SLC17A8: variants seen among roughly 807,000 people sequenced by gnomAD.
SLC17A8 encodes the protein solute carrier family 17 member 8.
SLC17A8 carries 31 observed loss-of-function variants against 58.0 expected under a neutral mutation model. That is an observed-to-expected ratio of 0.53 (90% CI 0.40 to 0.72). SLC17A8 has a LOEUF of 0.72. SLC17A8 is among the 30% of genes least tolerant of loss of function. The pLI is 0.00. For missense variants in SLC17A8, 655 were observed against 727.8 expected, an observed-to-expected ratio of 0.90 and a Z score of 1.15; for synonymous variants, 228 against 249.0, an observed-to-expected ratio of 0.92 and a Z score of 0.79.
chr12:100,369,229 T>C (rs1952542992), intron 1 of SLC17A8, among the ~76,000 whole-genome samples: 1 of 152,094 alleles, frequency 6.6e-6, no homozygotes, highest in African/African-American at 2.4e-5. Flanking sequence ...TGAGCCGAAA[T>C]CCCACCACTG....
chr12:100,397,200 A>T (rs1952759970), intron 5 of SLC17A8, among the ~76,000 whole-genome samples: 1 of 152,180 alleles, frequency 6.6e-6, no homozygotes, highest in Admixed American at 6.5e-5. Flanking sequence ...TGCTAAGGAC[A>T]AAAGTGGAAA....
chr12:100,366,148 G>T (rs764060885), intron 1 of SLC17A8, among the ~76,000 whole-genome samples: 3 of 150,262 alleles, frequency 2.0e-5, no homozygotes, highest in Non-Finnish European at 4.4e-5. Flanking sequence ...AATCTCTGAA[G>T]GTGCAATAAT....
chr12:100,390,221 T>A (rs1952705625), intron 2 of SLC17A8, among the ~76,000 whole-genome samples: 1 of 152,130 alleles, frequency 6.6e-6, no homozygotes, highest in South Asian at 2.1e-4. Flanking sequence ...TGCCTAGGCC[T>A]TCCAAAGCAT....
chr12:100,361,261 C>G (rs1301671294), intron 1 of SLC17A8, among the ~76,000 whole-genome samples: 1 of 152,224 alleles, frequency 6.6e-6, no homozygotes, highest in African/African-American at 2.4e-5. Context: ...TGATCTAGGA[C>G]TTTTGGAAGG....
chr12:100,419,137 T>C (rs1485630502), intron 11 of SLC17A8, among the ~76,000 whole-genome samples: 6 of 152,258 alleles, frequency 3.9e-5, no homozygotes, highest in African/African-American at 7.2e-5. Flanking sequence ...TTCTGATATT[T>C]AAAACGGTGG....
chr12:100,402,088 C>T (rs1027599901), intron 6 of SLC17A8, among the ~76,000 whole-genome samples: 5 of 151,944 alleles, frequency 3.3e-5, no homozygotes, highest in African/African-American at 4.8e-5. Context: ...ACAAGAGGAA[C>T]GTCAACAAAA....
intron 8 of SLC17A8, among the ~76,000 whole-genome samples, chr12:100,403,684 G>C (rs1952807176): frequency 6.6e-6 from 1 of 152,148 alleles, no homozygotes; most frequent in South Asian, 2.1e-4. Context: ...ACTGTCAGAA[G>C]TGACCATGGA....
intron 1 of SLC17A8, among the ~76,000 whole-genome samples, chr12:100,365,621 G>A (rs1334121992): frequency 6.6e-6 from 1 of 152,210 alleles, no homozygotes; most frequent in African/African-American, 2.4e-5. Flanking sequence ...GTGGCAGGAA[G>A]TTCAAAGCAC....
intron 9 of SLC17A8, among the ~76,000 whole-genome samples, chr12:100,411,126 G>A (rs1174625616): frequency 2.6e-5 from 4 of 152,172 alleles, no homozygotes; most frequent in South Asian, 2.1e-4. Context: ...ACGTGGTGGC[G>A]ATGGTTTGGT....
At chr12:100,361,628 T>C (rs1209619438) in intron 1 of SLC17A8, among the ~76,000 whole-genome samples, 2 of 152,132 alleles carry the variant, frequency 1.3e-5, no homozygotes, top group African/African-American at 4.8e-5. Flanking sequence ...TGTGATTTAA[T>C]GAGCTCTTCC....
intron 2 of SLC17A8, among the ~76,000 whole-genome samples, chr12:100,382,018 A>G (rs1252564995): frequency 6.6e-6 from 1 of 152,226 alleles, no homozygotes; most frequent in Non-Finnish European, 1.5e-5. Flanking sequence ...GAAAATGCTA[A>G]ATTTTGGTTA....
chr12:100,383,211 T>G (rs1409031278), intron 2 of SLC17A8, among the ~76,000 whole-genome samples: 5 of 152,224 alleles, frequency 3.3e-5, no homozygotes, highest in African/African-American at 9.6e-5. Context: ...AAGATAGACC[T>G]TGGTCAATAG....
intron 6 of SLC17A8, 57 bp downstream of exon 6, chr12:100,401,920 C>T (rs1345619086): frequency 3.2e-5 from 46 of 1,419,434 alleles, no homozygotes; most frequent in Non-Finnish European, 4.1e-5. Flanking sequence ...TATTTTACTG[C>T]ATATGGGTTT....
Position 100,393,477 on chromosome 12 carries a change from A to G in SLC17A8, c.582A>G (p.Leu194=). The change falls in exon 4 of 12, where the codon TTA becomes TTG. Residue 194 remains leucine (L), a synonymous_variant. Transcript: ENST00000323346. ...CVMCVRILQG[L]VEGVTYPACH... ...TGTGTGTCAGAATTCTGCAAGGTTT[A>G]GTGGAGGTAGGAGATACTTTCCTTA... 6.2e-7 allele frequency: 1 copy of G among 1,609,752 alleles called. No homozygotes were observed. Among genetic ancestry groups the G allele is most frequent in the Non-Finnish European group, 8.5e-7 (1 of 1,176,230 alleles).
At chr12:100,388,036 C>T (rs760198335) in intron 2 of SLC17A8, among the ~76,000 whole-genome samples, 2 of 152,198 alleles carry the variant, frequency 1.3e-5, no homozygotes, top group Non-Finnish European at 2.9e-5. Context: ...TCTTCCTCCT[C>T]ATTCATTACC....
At chr12:100,389,534 C>A (rs1952698722) in intron 2 of SLC17A8, among the ~76,000 whole-genome samples, 1 of 151,936 alleles carries the variant, frequency 6.6e-6, no homozygotes, top group Admixed American at 6.6e-5. Context: ...TTCTCCTTAG[C>A]ATTCATTGCT....
intron 4 of SLC17A8, among the ~76,000 whole-genome samples, chr12:100,395,294 T>C (rs1816098668): frequency 6.6e-6 from 1 of 151,918 alleles, no homozygotes; most frequent in South Asian, 2.1e-4. Context: ...TTCTACAGAA[T>C]ACCATAAACT....
chr12:100,357,950 G>A (rs1952459839), intron 1 of SLC17A8, among the ~76,000 whole-genome samples: 1 of 152,118 alleles, frequency 6.6e-6, no homozygotes, highest in African/African-American at 2.4e-5. Flanking sequence ...GTTCCTGATT[G>A]TATAGTTTGC....
At chr12:100,360,791 T>C (rs1238388673) in intron 1 of SLC17A8, among the ~76,000 whole-genome samples, 1 of 152,200 alleles carries the variant, frequency 6.6e-6, no homozygotes, top group East Asian at 1.9e-4. Context: ...TTGGGCCACT[T>C]ATTTAGGTTT....
Sources: gnomAD v4.1 joint callset for allele counts (sites outside exome capture counted in the v4.1 genomes callset) on GRCh38, gnomAD v4.1.1 for gene constraint, MANE v1.5 for transcripts, NCBI Gene and HGNC (gene_info 2026-07-23, HGNC 2026-07-21) for gene names.